The following UTP20 variants were observed in gnomAD, a reference collection of about 807,000 sequenced individuals.
UTP20 encodes the protein UTP20 small subunit processome component, also known as small subunit processome component 20 homolog.
In UTP20, 164 loss-of-function variants were observed where a neutral mutation model predicts 329.5. The observed-to-expected ratio is 0.50, with a 90% CI of 0.44 to 0.57. The LOEUF (loss-of-function observed/expected upper bound fraction) is 0.57, where lower values mean the gene tolerates loss of function less well. Among genes scored for constraint, UTP20 ranks in the 20% least tolerant of loss-of-function variants. The pLI is 0.00. For synonymous variants in UTP20, 1,151 were observed against 1,159.3 expected, an observed-to-expected ratio of 0.99 and a Z score of 0.14; for missense variants, 3,055 against 3,284.2, an observed-to-expected ratio of 0.93 and a Z score of 1.71.
chr12:101,347,115 C>T (rs913728829), intron 38 of UTP20, among the ~76,000 whole-genome samples: 1 of 152,144 alleles, frequency 6.6e-6, no homozygotes, highest in African/African-American at 2.4e-5. Context: ...TTCTCAGAGA[C>T]ACCCAGAGTC....
chr12:101,378,498 T>A (rs1870544386), intron 56 of UTP20, among the ~76,000 whole-genome samples: 2 of 152,008 alleles, frequency 1.3e-5, no homozygotes, highest in South Asian at 4.1e-4. Context: ...CTGAGGCAAG[T>A]GGATCACTTA....
chr12:101,336,634 T>G (rs1868942646), intron 29 of UTP20, among the ~76,000 whole-genome samples: 1 of 152,202 alleles, frequency 6.6e-6, no homozygotes, highest in African/African-American at 2.4e-5. Context: ...GCATGCCCTT[T>G]CCAGCTCTGT....
At position 101,361,864 on chromosome 12, in the gene UTP20, T is replaced by C. The variant is rs182497965; in HGVS notation, c.5692-98T>C. 1.0e-4 allele frequency: 94 copies of C among 911,412 alleles called. 1 individual carries two copies. The African/African-American group carries it at 1.4e-3, about 13-fold the overall frequency. 56.5% of individuals were successfully genotyped at this position (911,412 alleles called of 1,614,324 possible). A position where few individuals can be genotyped will look rare whatever the true frequency, so the allele number is the denominator to read the frequency against. ...GCTTCTCCTGGCAATAAAAGACATA[T>C]AAACTCTGAGTGTTCTCTTTGCAGT... On this transcript the variant is annotated intron_variant, in intron 43 of 61. Coordinates refer to ENST00000261637, the MANE Select transcript of UTP20 (RefSeq NM_014503.3).
chr12:101,294,691 TG>T, intron 11 of UTP20, among the ~76,000 whole-genome samples: 1 of 152,096 alleles, frequency 6.6e-6, no homozygotes, highest in South Asian at 2.1e-4. Context: ...TACAGTCATG[TG>T]CCCCCACGCC....
intron 45 of UTP20, among the ~76,000 whole-genome samples, chr12:101,364,912 A>G (rs1870042885): frequency 6.6e-6 from 1 of 152,176 alleles, no homozygotes; most frequent in Non-Finnish European, 1.5e-5. Flanking sequence ...CTCATGCAAG[A>G]TAATAGCTCT....
intron 8 of UTP20, chr12:101,291,154 A>C (rs1255988753): frequency 3.3e-6 from 1 of 302,748 alleles, no homozygotes; most frequent in Non-Finnish European, 6.0e-6. Flanking sequence ...GTAACCTGGG[A>C]AAATTATTTG....
intron 21 of UTP20, among the ~76,000 whole-genome samples, chr12:101,316,278 C>T (rs1872968788): frequency 6.6e-6 from 1 of 152,194 alleles, no homozygotes; most frequent in African/African-American, 2.4e-5. Flanking sequence ...TGAGTACTCA[C>T]TGTGTGCTGG....
chr12:101,339,388 A>G (rs1185849017), intron 31 of UTP20, among the ~76,000 whole-genome samples: 1 of 152,144 alleles, frequency 6.6e-6, no homozygotes, highest in Non-Finnish European at 1.5e-5. Context: ...TGGCAATAAG[A>G]AGCTAAAAAG....
chr12:101,378,570 T>C (rs1447533544), intron 56 of UTP20, among the ~76,000 whole-genome samples: 1 of 151,708 alleles, frequency 6.6e-6, no homozygotes, highest in East Asian at 1.9e-4. Context: ...AATACAAAAA[T>C]TAGCTGGGTG....
intron 37 of UTP20, among the ~76,000 whole-genome samples, chr12:101,345,969 G>T (rs1403661617): frequency 6.6e-6 from 1 of 151,752 alleles, no homozygotes; most frequent in African/African-American, 2.4e-5. Flanking sequence ...TTAAACAAAT[G>T]CTATGGATTA....
chr12:101,369,083 C>T (rs1171546114), intron 48 of UTP20, among the ~76,000 whole-genome samples: 5 of 152,278 alleles, frequency 3.3e-5, no homozygotes, highest in South Asian at 2.1e-4. Context: ...CAATTGTTCC[C>T]GTGCCTGATT....
rs556734587 is a variant in UTP20 at position 101,280,167 on chromosome 12, G to A, written c.-116G>A. ...AGGGGCTCAAGCCGCACGTGAGAAAGTCTGGGCATCTGGGAATCGGAGAGT... is the reference window on the plus strand; with the variant it reads ...AGGGGCTCAAGCCGCACGTGAGAAAATCTGGGCATCTGGGAATCGGAGAGT... On this transcript the variant is annotated 5_prime_UTR_variant, in exon 1 of 62. Coordinates refer to ENST00000261637, the MANE Select transcript of UTP20 (RefSeq NM_014503.3). 6.9e-5 allele frequency: 94 copies of A among 1,356,350 alleles called. No individual in the cohort carries two copies. In the Admixed American group the frequency reaches 1.2e-3, roughly 17 times the overall value. 84.0% of individuals were successfully genotyped at this position (1,356,350 alleles called of 1,614,324 possible). A position where few individuals can be genotyped will look rare whatever the true frequency, so the allele number is the denominator to read the frequency against.
intron 51 of UTP20, among the ~76,000 whole-genome samples, chr12:101,371,721 A>G (rs1331619844): frequency 6.6e-6 from 1 of 151,696 alleles, no homozygotes; most frequent in African/African-American, 2.4e-5. Flanking sequence ...TTTAGTAGAG[A>G]TGAGGTTTCA....
At chr12:101,374,309 T>A (rs1870402968) in intron 54 of UTP20, among the ~76,000 whole-genome samples, 1 of 152,224 alleles carries the variant, frequency 6.6e-6, no homozygotes, top group Non-Finnish European at 1.5e-5. Context: ...AGGAAAGTAT[T>A]CCACTACATG....
chr12:101,298,161 G>A (rs1277783158), intron 12 of UTP20, among the ~76,000 whole-genome samples: 1 of 152,134 alleles, frequency 6.6e-6, no homozygotes, highest in Non-Finnish European at 1.5e-5. Flanking sequence ...AACTACTTAC[G>A]GTATCAGGCA....
At position 101,295,498 on chromosome 12, in the gene UTP20, C is replaced by G. The variant is rs144211284; in HGVS notation, c.1270C>G (p.Leu424Val). 1.5e-5 allele frequency: 24 copies of G among 1,583,234 alleles called. No individual in the cohort carries two copies. The highest frequency in any genetic ancestry group is 2.0e-5 in the Non-Finnish European group (23 of 1,163,106). ...QFEQLFLPSF[L>V]SYIVNCFLID... ...ACTTTAGCTTTTTCTACCAAGCTTT[C>G]TGTCATATATTGTGAATTGCTTCTT... The change falls in exon 12 of 62, where the codon CTG becomes GTG. Residue 424 changes from leucine to valine, a missense_variant. Coordinates refer to ENST00000261637, the MANE Select transcript of UTP20 (RefSeq NM_014503.3).
chr12:101,312,375 C>T (rs375412327), intron 21 of UTP20, 99 bp downstream of exon 21: 110 of 1,478,686 alleles, frequency 7.4e-5, no homozygotes, highest in Non-Finnish European at 9.0e-5. Flanking sequence ...TTGTTTTTTG[C>T]CTTCTTTCTT....
chr12:101,357,745 C>T (rs12319927), intron 43 of UTP20, among the ~76,000 whole-genome samples: 3,955 of 152,178 alleles, frequency 0.026, 165 homozygotes, highest in African/African-American at 0.091. Context: ...CAGAGTGAAA[C>T]CCTGTCTCAA....
At chr12:101,376,582 C>G (rs1870480577) in intron 56 of UTP20, among the ~76,000 whole-genome samples, 1 of 151,928 alleles carries the variant, frequency 6.6e-6, no homozygotes, top group African/African-American at 2.4e-5. Context: ...AGTAAAAATA[C>G]AGTGTGTATT....
Sources: allele counts gnomAD v4.1 joint callset (sites outside exome capture counted in the v4.1 genomes callset), GRCh38; gene constraint gnomAD v4.1.1; transcripts MANE v1.5; gene names NCBI Gene and HGNC (gene_info 2026-07-23, HGNC 2026-07-21).